FSTL5: variants seen among roughly 807,000 people sequenced by gnomAD.
The protein encoded by FSTL5 is follistatin like 5, also known as follistatin-related protein 5.
FSTL5 carries 62 observed loss-of-function variants against 89.1 expected under a neutral mutation model. The ratio of observed to expected loss-of-function variants is 0.70; its 90% CI spans 0.57 to 0.86. The LOEUF (loss-of-function observed/expected upper bound fraction) is 0.86, where lower values mean the gene tolerates loss of function less well. FSTL5 is among the 40% of genes least tolerant of loss of function. The probability of loss-of-function intolerance (pLI) is 0.00; values close to 1 mark genes in which losing one functional copy is unlikely to be tolerated. For synonymous variants in FSTL5, 383 were observed against 346.2 expected (o/e 1.11, Z -1.18); for missense variants, 1,057 against 1,001.6 (o/e 1.06, Z -0.75).
chr4:162,145,530 TA>T (rs1440057100), intron 1 of FSTL5, among the ~76,000 whole-genome samples: 1 of 152,062 alleles, frequency 6.6e-6, no homozygotes, highest in African/African-American at 2.4e-5. Context: ...ATGAAGTTAT[TA>T]AAAACAAACT....
intron 8 of FSTL5, among the ~76,000 whole-genome samples, chr4:161,577,473 C>A (rs79242557): frequency 7.3e-3 from 805 of 109,964 alleles, no homozygotes; most frequent in Non-Finnish European, 8.0e-3. Context: ...AGAAAAAAGA[C>A]AAAAAAAAAA....
intron 15 of FSTL5, among the ~76,000 whole-genome samples, chr4:161,449,669 T>C (rs111477388): frequency 2.0e-5 from 3 of 152,270 alleles, no homozygotes; most frequent in Admixed American, 1.3e-4. Flanking sequence ...CTGGGAGAGA[T>C]AGGAGAAGAA....
chr4:161,466,389 C>A (rs943908514), intron 13 of FSTL5, among the ~76,000 whole-genome samples: 12 of 152,166 alleles, frequency 7.9e-5, no homozygotes, highest in African/African-American at 2.7e-4. Flanking sequence ...CAAAGATACA[C>A]AGAACTTGCG....
chr4:162,080,153 G>GTACTGA (rs1452074864), intron 2 of FSTL5, among the ~76,000 whole-genome samples: 1 of 151,556 alleles, frequency 6.6e-6, no homozygotes, highest in Non-Finnish European at 1.5e-5. Flanking sequence ...AAACAACATA[G>GTACTGA]TACTGAGATT....
At chr4:161,997,081 T>A (rs973094524) in intron 3 of FSTL5, among the ~76,000 whole-genome samples, 1 of 152,196 alleles carries the variant, frequency 6.6e-6, no homozygotes, top group African/African-American at 2.4e-5. Context: ...TTTATTGTTT[T>A]ACAACATTTT....
intron 4 of FSTL5, among the ~76,000 whole-genome samples, chr4:161,866,025 A>C (rs769058904): frequency 6.6e-6 from 1 of 152,232 alleles, no homozygotes; most frequent in East Asian, 1.9e-4. Flanking sequence ...AAGTATTCTA[A>C]GTGCTTCCAG....
chr4:161,911,715 A>G (rs1733698302), intron 4 of FSTL5, among the ~76,000 whole-genome samples: 1 of 152,214 alleles, frequency 6.6e-6, no homozygotes, highest in South Asian at 2.1e-4. Context: ...GATGTCTTAA[A>G]CTAAAACAAT....
intron 3 of FSTL5, among the ~76,000 whole-genome samples, chr4:161,929,450 CT>C (rs1578868929): frequency 6.6e-6 from 1 of 151,616 alleles, no homozygotes; most frequent in African/African-American, 2.4e-5. Flanking sequence ...TCATCTAAAT[CT>C]TTTGCTTTGC....
chr4:161,871,318 T>C (rs1732254964), intron 4 of FSTL5, among the ~76,000 whole-genome samples: 1 of 152,132 alleles, frequency 6.6e-6, no homozygotes. Context: ...TCCATAGACT[T>C]ATTGACATAC....
chr4:162,110,392 A>C (rs554868294), intron 2 of FSTL5, among the ~76,000 whole-genome samples: 53 of 152,084 alleles, frequency 3.5e-4, no homozygotes, highest in Non-Finnish European at 6.0e-4. Flanking sequence ...AAAATATTTG[A>C]TACTTACAAA....
At chr4:161,964,548 G>A (rs992718009) in intron 3 of FSTL5, among the ~76,000 whole-genome samples, 18 of 151,846 alleles carry the variant, frequency 1.2e-4, no homozygotes, top group South Asian at 2.1e-4. Flanking sequence ...TTAATATAGC[G>A]GAGTGGGAGA....
chr4:161,998,144 T>A lies in FSTL5; in HGVS notation c.160+35481A>T, dbSNP rs555347428. Among the ~76,000 whole-genome samples the A allele has an allele frequency of 3.9e-5, 6 of 152,302 alleles. No homozygotes were observed. The South Asian group carries it at 8.3e-4, about 21-fold the overall frequency. ...ATTTCTACAGGGTTCTATCTATGCA[T>A]CTTAGTGACCAAGAATGCCTTAAGG... On this transcript the variant is annotated intron_variant, in intron 3 of 15. Coordinates refer to ENST00000306100, the MANE Select transcript of FSTL5 (RefSeq NM_020116.5).
At chr4:161,777,811 C>T (rs1197550908) in intron 4 of FSTL5, among the ~76,000 whole-genome samples, 1 of 151,980 alleles carries the variant, frequency 6.6e-6, no homozygotes, top group Non-Finnish European at 1.5e-5. Context: ...AAGTAAATAA[C>T]GGCCAGGTGC....
At chr4:161,979,848 C>T (rs940779342) in intron 3 of FSTL5, among the ~76,000 whole-genome samples, 9 of 151,958 alleles carry the variant, frequency 5.9e-5, no homozygotes, top group South Asian at 2.1e-4. Flanking sequence ...ATGTGTTCTA[C>T]GCATGTTCAA....
intron 6 of FSTL5, among the ~76,000 whole-genome samples, chr4:161,698,480 T>C (rs923252213): frequency 6.6e-6 from 1 of 152,194 alleles, no homozygotes; most frequent in Admixed American, 6.6e-5. Context: ...TGATGAGGTA[T>C]TGTATTCTTG....
chr4:161,866,590 C>T (rs1732099963), intron 4 of FSTL5, among the ~76,000 whole-genome samples: 2 of 151,130 alleles, frequency 1.3e-5, no homozygotes, highest in African/African-American at 4.9e-5. Flanking sequence ...GGGACTGAAT[C>T]TTTTCAATAT....
intron 3 of FSTL5, among the ~76,000 whole-genome samples, chr4:161,965,240 T>A (rs916908788): frequency 1.3e-5 from 2 of 152,098 alleles, no homozygotes; most frequent in Non-Finnish European, 2.9e-5. Flanking sequence ...ACCTGACCAC[T>A]CTCTGGACAC....
At chr4:161,740,484 G>A (rs1022656209) in intron 6 of FSTL5, among the ~76,000 whole-genome samples, 40 of 151,264 alleles carry the variant, frequency 2.6e-4, no homozygotes, top group African/African-American at 9.2e-4. Flanking sequence ...AAAAAAAAAA[G>A]CAAGTCCAAA....
At chr4:161,671,300 C>T (rs1737100677) in intron 6 of FSTL5, among the ~76,000 whole-genome samples, 1 of 152,092 alleles carries the variant, frequency 6.6e-6, no homozygotes, top group Non-Finnish European at 1.5e-5. Context: ...CAAACTATGC[C>T]CCTGGACCAA....
Sources: allele counts gnomAD v4.1 joint callset (sites outside exome capture counted in the v4.1 genomes callset), GRCh38; gene constraint gnomAD v4.1.1; transcripts MANE v1.5; gene names NCBI Gene and HGNC (gene_info 2026-07-23, HGNC 2026-07-21).